Variants in SPECC1 observed in about 807,000 individuals in gnomAD.
The protein encoded by SPECC1 is cytospin-B.
A neutral mutation model predicts 104.1 loss-of-function variants in SPECC1; 62 were observed. That is an observed-to-expected ratio of 0.60 (90% confidence interval 0.49 to 0.74). SPECC1 has a LOEUF of 0.74. Ranked by LOEUF, SPECC1 falls within the 30% of genes least tolerant of loss-of-function variation. SPECC1 has a pLI of 0.00. For missense variants in SPECC1, 1,306 were observed against 1,310.5 expected (o/e 1.00, Z 0.05); for synonymous variants, 513 against 501.6 (o/e 1.02, Z -0.30).
chr17:20,075,813 G>A (rs181845828), intron 1 of SPECC1, among the ~76,000 whole-genome samples: 35 of 152,190 alleles, frequency 2.3e-4, no homozygotes, highest in Admixed American at 1.8e-3. Context: ...TAAGTGTGGC[G>A]ATGTGCACCT....
rs542564242 is a variant in SPECC1 at position 20,257,329 on chromosome 17, A to C, written c.2681-122A>C. On this transcript the variant is annotated intron_variant, in intron 10 of 14. Transcript: ENST00000395527. The stretch of plus-strand genomic sequence containing the variant: ...CCCTATTGCATTTTTATTACTTCAG[A>C]AACTATATATATGTTTGCACTTGAG... The C allele has an allele frequency of 2.2e-5, 25 of 1,158,992 alleles. No homozygotes were observed. The East Asian group carries it at 6.7e-4, about 31-fold the overall frequency. The allele number at this position is 1,158,992 out of a possible 1,614,324, so 71.8% of individuals were successfully genotyped here.
intron 3 of SPECC1, among the ~76,000 whole-genome samples, chr17:20,122,446 A>C (rs1396347998): frequency 6.6e-6 from 1 of 152,138 alleles, no homozygotes; most frequent in Non-Finnish European, 1.5e-5. Context: ...TATATTCTGA[A>C]GGGGAGAGCC....
At chr17:20,094,509 C>T (rs746834003) in intron 1 of SPECC1, among the ~76,000 whole-genome samples, 14 of 152,092 alleles carry the variant, frequency 9.2e-5, no homozygotes, top group Non-Finnish European at 2.1e-4. Context: ...CACCCTCTTC[C>T]TGCTGTTTTT....
intron 1 of SPECC1, among the ~76,000 whole-genome samples, chr17:20,012,642 C>T (rs540111760): frequency 5.9e-4 from 89 of 151,748 alleles, no homozygotes; most frequent in Middle Eastern, 6.8e-3. Flanking sequence ...TTACTCTTAC[C>T]ATTAGCTTAT....
At chr17:20,262,065 T>C (rs1027439869) in intron 12 of SPECC1, among the ~76,000 whole-genome samples, 1 of 152,240 alleles carries the variant, frequency 6.6e-6, no homozygotes, top group Non-Finnish European at 1.5e-5. Context: ...TAAAAAACTA[T>C]GTAATATTTG....
chr17:20,094,421 G>T (rs1160274121), intron 1 of SPECC1, among the ~76,000 whole-genome samples: 1 of 152,162 alleles, frequency 6.6e-6, no homozygotes, highest in Admixed American at 6.5e-5. Context: ...TTTTGACTGA[G>T]GTGGCTTTTC....
chr17:20,029,966 AG>A (rs1327028464), intron 1 of SPECC1, among the ~76,000 whole-genome samples: 1 of 152,104 alleles, frequency 6.6e-6, no homozygotes, highest in Non-Finnish European at 1.5e-5. Context: ...CTACAAGCCA[AG>A]GAGCACTTAG....
At chr17:20,111,998 G>A (rs2048519311) in intron 3 of SPECC1, 1 of 781,778 alleles carries the variant, frequency 1.3e-6, no homozygotes, top group Admixed American at 1.7e-5. Context: ...GATCAGGGAT[G>A]ATGATGTTTT....
At chr17:20,208,076 T>C (rs1165152729) in intron 4 of SPECC1, among the ~76,000 whole-genome samples, 2 of 152,352 alleles carry the variant, frequency 1.3e-5, no homozygotes, top group East Asian at 3.9e-4. Context: ...ATAAACTAAA[T>C]GTAATTTAAA....
intron 4 of SPECC1, among the ~76,000 whole-genome samples, chr17:20,226,916 C>A (rs563333737): frequency 6.6e-6 from 1 of 152,182 alleles, no homozygotes; most frequent in East Asian, 1.9e-4. Flanking sequence ...GGTTGTTGTT[C>A]ACAGCTCAGC....
Position 20,257,612 on chromosome 17 carries a change from C to T in SPECC1, c.2837+5C>T, listed in dbSNP as rs3751979. 314,511 of 1,610,324 alleles carry T rather than the reference C, an allele frequency of 0.2. 34,537 individuals are homozygous for T. Among genetic ancestry groups the T allele is most frequent in the African/African-American group, 0.48 (35,467 of 74,532 alleles). ...GAAACCACAAAGCAAACTCAGGTAT[C>T]GTGTTTCAAACAATAAGAAATCAGA... On this transcript the variant is annotated splice_donor_5th_base_variant and intron_variant, in intron 11 of 14. Transcript: ENST00000395527.
chr17:20,305,783 A>G, intron 13 of SPECC1: 1 of 442,414 alleles, frequency 2.3e-6, no homozygotes, highest in Non-Finnish European at 4.0e-6. Context: ...CTAAATCTTG[A>G]CAAAGGTAAA....
chr17:20,090,583 C>T (rs2047362483), intron 1 of SPECC1, among the ~76,000 whole-genome samples: 1 of 126,898 alleles, frequency 7.9e-6, no homozygotes, highest in Non-Finnish European at 1.7e-5. Flanking sequence ...GACCATTTTA[C>T]ACTATTCCAA....
intron 1 of SPECC1, among the ~76,000 whole-genome samples, chr17:20,081,719 G>A (rs369158277): frequency 2.0e-5 from 3 of 152,114 alleles, no homozygotes; most frequent in African/African-American, 7.2e-5. Context: ...CGGGTGCAGC[G>A]TTCTGGGCGT....
At chr17:20,263,219 A>G (rs2040091804) in intron 12 of SPECC1, among the ~76,000 whole-genome samples, 1 of 148,878 alleles carries the variant, frequency 6.7e-6, no homozygotes, top group Non-Finnish European at 1.5e-5. Context: ...CATAAGAACC[A>G]ATAGCTATGA....
At chr17:20,289,891 C>A (rs879434202) in intron 12 of SPECC1, among the ~76,000 whole-genome samples, 1 of 152,188 alleles carries the variant, frequency 6.6e-6, no homozygotes, top group African/African-American at 2.4e-5. Context: ...CCTCTGCCAA[C>A]GTCAGCAATA....
At chr17:20,085,501 C>CA (rs1399400418) in intron 1 of SPECC1, among the ~76,000 whole-genome samples, 1 of 152,162 alleles carries the variant, frequency 6.6e-6, no homozygotes, top group African/African-American at 2.4e-5. Context: ...GAGCAGCCTG[C>CA]AAAATTATCC....
intron 12 of SPECC1, among the ~76,000 whole-genome samples, chr17:20,286,762 A>G (rs1353455798): frequency 6.6e-6 from 1 of 151,900 alleles, no homozygotes; most frequent in African/African-American, 2.4e-5. Flanking sequence ...ATCTTAACCC[A>G]CCTACCTGGG....
chr17:20,118,222 G>T (rs1955341314), intron 3 of SPECC1, among the ~76,000 whole-genome samples: 1 of 152,170 alleles, frequency 6.6e-6, no homozygotes, highest in Admixed American at 6.5e-5. Context: ...CATTAAGGGT[G>T]TAAAGAGCCA....
Sources: allele counts gnomAD v4.1 joint callset (sites outside exome capture counted in the v4.1 genomes callset), GRCh38; gene constraint gnomAD v4.1.1; transcripts MANE v1.5; gene names NCBI Gene and HGNC (gene_info 2026-07-23, HGNC 2026-07-21).